NKAIN2: variants seen among roughly 807,000 people sequenced by gnomAD.
NKAIN2 encodes the protein sodium/potassium-transporting ATPase subunit beta-1-interacting protein 2.
NKAIN2 carries 14 observed loss-of-function variants against 32.6 expected under a neutral mutation model. The observed-to-expected ratio is 0.43, with a 90% CI of 0.28 to 0.67. NKAIN2 has a LOEUF of 0.67. Among genes scored for constraint, NKAIN2 ranks in the 30% least tolerant of loss-of-function variants. NKAIN2 has a pLI of 0.17. For synonymous variants in NKAIN2, 80 were observed against 87.2 expected, an observed-to-expected ratio of 0.92 and a Z score of 0.46; for missense variants, 198 against 258.3, an observed-to-expected ratio of 0.77 and a Z score of 1.60.
At chr6:124,032,065 C>A (rs1781428430) in intron 1 of NKAIN2, among the ~76,000 whole-genome samples, 1 of 151,862 alleles carries the variant, frequency 6.6e-6, no homozygotes, top group South Asian at 2.1e-4. Context: ...ACATATACAC[C>A]ATGGAATACT....
At chr6:124,350,160 C>A (rs551648635) in intron 2 of NKAIN2, among the ~76,000 whole-genome samples, 7 of 152,306 alleles carry the variant, frequency 4.6e-5, no homozygotes, top group South Asian at 4.1e-4. Flanking sequence ...GGCAGAACAT[C>A]TTTTCCAATT....
chr6:124,543,807 C>T (rs184166529), intron 3 of NKAIN2, among the ~76,000 whole-genome samples: 23 of 152,090 alleles, frequency 1.5e-4, no homozygotes, highest in Non-Finnish European at 2.9e-4. Flanking sequence ...TCAGCTGGGC[C>T]ACTTTGAAAA....
At chr6:124,774,352 A>T (rs1169275559) in intron 4 of NKAIN2, among the ~76,000 whole-genome samples, 1 of 152,196 alleles carries the variant, frequency 6.6e-6, no homozygotes, top group African/African-American at 2.4e-5. Context: ...AGAGTCAAGG[A>T]TGAGTCCACA....
chr6:124,386,095 CAGAA>C (rs1485593512), intron 3 of NKAIN2, among the ~76,000 whole-genome samples: 1 of 151,866 alleles, frequency 6.6e-6, no homozygotes, highest in Non-Finnish European at 1.5e-5. Flanking sequence ...GATTAGAAAA[CAGAA>C]AGAAGTCAGA....
At chr6:124,424,220 C>G (rs1272431794) in intron 3 of NKAIN2, among the ~76,000 whole-genome samples, 2 of 152,016 alleles carry the variant, frequency 1.3e-5, no homozygotes, top group South Asian at 4.2e-4. Flanking sequence ...GTCTCCATCT[C>G]CTGACCTCAT....
intron 1 of NKAIN2, among the ~76,000 whole-genome samples, chr6:124,102,313 T>C (rs1340059440): frequency 6.6e-6 from 1 of 152,148 alleles, no homozygotes; most frequent in African/African-American, 2.4e-5. Flanking sequence ...CACTATTGGG[T>C]TTGCCATTCT....
chr6:124,266,958 T>G (rs924599593), intron 1 of NKAIN2, among the ~76,000 whole-genome samples: 1 of 151,730 alleles, frequency 6.6e-6, no homozygotes, highest in South Asian at 2.1e-4. Context: ...ATTAGCAAAC[T>G]TGAAGAATTA....
chr6:124,192,902 A>G (rs1376755003), intron 1 of NKAIN2, among the ~76,000 whole-genome samples: 1 of 151,536 alleles, frequency 6.6e-6, no homozygotes, highest in African/African-American at 2.4e-5. Flanking sequence ...GGCGCCCGCC[A>G]CCGCGCGCAG....
intron 1 of NKAIN2, among the ~76,000 whole-genome samples, chr6:123,831,558 C>T (rs973577795): frequency 6.7e-6 from 1 of 150,274 alleles, no homozygotes; most frequent in Non-Finnish European, 1.5e-5. Flanking sequence ...TAGGTTAATA[C>T]CAAAATAAAG....
intron 1 of NKAIN2, among the ~76,000 whole-genome samples, chr6:123,925,104 G>A (rs920136975): frequency 4.6e-5 from 7 of 152,004 alleles, no homozygotes; most frequent in Admixed American, 2.6e-4. Context: ...TGTCCAAGTG[G>A]CCATGGTTTC....
At chr6:124,487,617 A>T (rs964624709) in intron 3 of NKAIN2, among the ~76,000 whole-genome samples, 1 of 152,166 alleles carries the variant, frequency 6.6e-6, no homozygotes, top group African/African-American at 2.4e-5. Flanking sequence ...AACTTTTTAT[A>T]AAAAAGTAAT....
intron 1 of NKAIN2, among the ~76,000 whole-genome samples, chr6:123,873,403 C>A (rs1044794043): frequency 6.6e-6 from 1 of 152,056 alleles, no homozygotes; most frequent in Non-Finnish European, 1.5e-5. Flanking sequence ...TTATTCAGGG[C>A]CAAATAATGA....
intron 1 of NKAIN2, among the ~76,000 whole-genome samples, chr6:124,063,400 C>T (rs1783013773): frequency 6.6e-6 from 1 of 151,952 alleles, no homozygotes; most frequent in South Asian, 2.1e-4. Context: ...GGAATAATAG[C>T]TCTATGTTGT....
intron 1 of NKAIN2, among the ~76,000 whole-genome samples, chr6:124,215,047 G>A (rs761588973): frequency 5.3e-5 from 8 of 151,936 alleles, no homozygotes; most frequent in Non-Finnish European, 1.0e-4. Flanking sequence ...AAATAAATCA[G>A]AACTGAGGAA....
chr6:124,748,070 AAC>A (rs1379216391), intron 4 of NKAIN2, among the ~76,000 whole-genome samples: 2 of 151,984 alleles, frequency 1.3e-5, no homozygotes, highest in African/African-American at 2.4e-5. Context: ...TATTATATTC[AAC>A]AGTCATGAAA....
chr6:124,650,604 GC>G (rs1266794317), intron 3 of NKAIN2, among the ~76,000 whole-genome samples: 1 of 152,026 alleles, frequency 6.6e-6, no homozygotes, highest in African/African-American at 2.4e-5. Context: ...CAAAAAGAAG[GC>G]CAAACTCACC....
chr6:124,172,566 CATTCTTGTGGAAGGAAGTATAT>C (rs1166881820), intron 1 of NKAIN2, among the ~76,000 whole-genome samples: 3 of 151,976 alleles, frequency 2.0e-5, no homozygotes, highest in South Asian at 2.1e-4. Context: ...ATCTGTATAT[CATTCTTGTGGAAGGAAGTATAT>C]ATTCTTGTGG....
chr6:124,777,702 G>T (rs776156002), intron 4 of NKAIN2, among the ~76,000 whole-genome samples: 3 of 152,102 alleles, frequency 2.0e-5, no homozygotes, highest in Non-Finnish European at 2.9e-5. Context: ...GGGAGTCAGA[G>T]TTATCTAAAG....
intron 1 of NKAIN2, among the ~76,000 whole-genome samples, chr6:124,193,407 G>C (rs1043087209): frequency 6.6e-6 from 1 of 152,182 alleles, no homozygotes; most frequent in Non-Finnish European, 1.5e-5. Context: ...CTAGCTCCCT[G>C]CAAGTGTGCA....
Sources: allele counts gnomAD v4.1 joint callset (sites outside exome capture counted in the v4.1 genomes callset), GRCh38; gene constraint gnomAD v4.1.1; transcripts MANE v1.5; gene names NCBI Gene and HGNC (gene_info 2026-07-23, HGNC 2026-07-21).